The following SLC4A5 variants were observed in gnomAD, a reference collection of about 807,000 sequenced individuals.
SLC4A5 encodes the protein solute carrier family 4 member 5.
Under a neutral mutation model 120.4 loss-of-function variants are expected in SLC4A5, and 96 were observed. The observed-to-expected ratio is 0.80, with a 90% CI of 0.68 to 0.94. SLC4A5 has a LOEUF of 0.94. Ranked by LOEUF, SLC4A5 falls within the 40% of genes least tolerant of loss-of-function variation. The pLI is 0.00. For synonymous variants in SLC4A5, 550 were observed against 571.1 expected, an observed-to-expected ratio of 0.96 and a Z score of 0.53; for missense variants, 1,259 against 1,459.5, an observed-to-expected ratio of 0.86 and a Z score of 2.24.
chr2:74,233,708 A>T, intron 22 of SLC4A5, 145 bp from the exon 23 acceptor site: 1 of 916,068 alleles, frequency 1.1e-6, no homozygotes, highest in South Asian at 1.8e-5. Flanking sequence ...CACCTTAGGT[A>T]GCTGCAACTT....
In SLC4A5 at chr2:74,222,551, G is replaced by A. The variant is rs541695120; in HGVS notation, c.3331+317C>T. Among the ~76,000 whole-genome samples, 6 of 152,246 alleles carry A rather than the reference G, an allele frequency of 3.9e-5. 1 individual carries two copies. The East Asian group carries it at 9.6e-4, about 24-fold the overall frequency. On this transcript the variant is annotated intron_variant, in intron 29 of 30. Coordinates refer to ENST00000394019, the Ensembl canonical transcript of SLC4A5. ...GCATTAACCCCTGTGCTCCAGCTCCGGTGGGATCAGTGGCAGCAATAGATT... is the reference window on the plus strand; with the variant it reads ...GCATTAACCCCTGTGCTCCAGCTCCAGTGGGATCAGTGGCAGCAATAGATT...
At chr2:74,254,810 A>C in intron 13 of SLC4A5, 104 bp from the exon 14 acceptor site, 1 of 834,618 alleles carries the variant, frequency 1.2e-6, no homozygotes, top group Admixed American at 2.3e-5. Context: ...GGCCCTGAAC[A>C]GTATGCATTT....
At chr2:74,279,456 C>T (rs1232267743) in intron 8 of SLC4A5, among the ~76,000 whole-genome samples, 1 of 152,126 alleles carries the variant, frequency 6.6e-6, no homozygotes. Flanking sequence ...CAGTCTCTTT[C>T]GTGGGTTCCT....
At chr2:74,252,053 G>T in intron 16 of SLC4A5, 126 bp downstream of exon 16, 1 of 1,023,048 alleles carries the variant, frequency 9.8e-7, no homozygotes, top group Non-Finnish European at 1.4e-6. Context: ...GCTCTGGGAG[G>T]GAAAGAAGGC....
chr2:74,255,837 C>T lies in SLC4A5; in HGVS notation c.963G>A (p.Ala321=), dbSNP rs768314359. The T allele has an allele frequency of 8.1e-6, 13 of 1,614,174 alleles. No individual in the cohort carries two copies. Among genetic ancestry groups the T allele is most frequent in the Middle Eastern group, 1.6e-4 (1 of 6,062 alleles). ...TGGCCGACTGGATGAGGCGCACGAACGCGATGAATGGCTGGTCTAGGAAGT... is the reference window on the plus strand; with the variant it reads ...TGGCCGACTGGATGAGGCGCACGAATGCGATGAATGGCTGGTCTAGGAAGT... The change falls in exon 13 of 31, where the codon GCG becomes GCA. Residue 321 remains alanine, a synonymous_variant. Coordinates refer to ENST00000394019, the Ensembl canonical transcript of SLC4A5. This position sits in a 1 kb window ranked among gnomAD's most constrained non-coding sequence, Gnocchi z 4.0.
chr2:74,287,949 G>A (rs1315500574), intron 7 of SLC4A5, among the ~76,000 whole-genome samples: 1 of 152,002 alleles, frequency 6.6e-6, no homozygotes, highest in Non-Finnish European at 1.5e-5. Context: ...CTAAAGTAGT[G>A]GTCTGTGCTC....
chr2:74,305,678 C>CTCTTCA (rs111683406), intron 6 of SLC4A5, among the ~76,000 whole-genome samples: 4,724 of 150,786 alleles, frequency 0.031, 275 homozygotes, highest in African/African-American at 0.11. Flanking sequence ...TGTATTTCAC[C>CTCTTCA]TCTTCATCCC....
chr2:74,324,309 G>T (rs952802347), intron 5 of SLC4A5, among the ~76,000 whole-genome samples: 2 of 152,194 alleles, frequency 1.3e-5, no homozygotes, highest in African/African-American at 4.8e-5. Context: ...CGCCCAGGCT[G>T]GAGTTCAATG....
chr2:74,252,476 GACAAAAATGCAGAAA>G, intron 15 of SLC4A5, 88 bp from the exon 16 acceptor site: 1 of 1,490,206 alleles, frequency 6.7e-7, no homozygotes, highest in Admixed American at 2.0e-5. Flanking sequence ...TTAAAAGACA[GACAAAAATGCAGAAA>G]ATTGTCTAAC....
intron 29 of SLC4A5, among the ~76,000 whole-genome samples, chr2:74,222,379 T>G (rs1310582610): frequency 6.6e-6 from 1 of 152,174 alleles, no homozygotes. Context: ...GGGGTTTCCA[T>G]CTGGTTGGAG....
intron 15 of SLC4A5, among the ~76,000 whole-genome samples, chr2:74,252,700 C>G (rs953684040): frequency 2.0e-5 from 3 of 152,160 alleles, no homozygotes; most frequent in African/African-American, 7.2e-5. Context: ...AATCCTCCTG[C>G]CTCAGCCTCC....
intron 6 of SLC4A5, among the ~76,000 whole-genome samples, chr2:74,311,881 CA>C (rs1223978027): frequency 6.6e-6 from 1 of 152,132 alleles, no homozygotes; most frequent in Non-Finnish European, 1.5e-5. Context: ...CCGGATCTGT[CA>C]ATTACTGGTA....
At chr2:74,265,165 G>T in exon 9 of SLC4A5, 1 of 1,614,230 alleles carries the variant, frequency 6.2e-7, no homozygotes, top group Non-Finnish European at 8.5e-7. Flanking sequence ...TCTGCAGGCA[G>T]GTACGGAGCT....
intron 30 of SLC4A5, among the ~76,000 whole-genome samples, chr2:74,220,850 T>G (rs1259865925): frequency 1.4e-5 from 2 of 144,760 alleles, no homozygotes; most frequent in Non-Finnish European, 3.0e-5. Flanking sequence ...TCTTTTTTTT[T>G]TTTTTTTTGA....
At chr2:74,253,128 G>C (rs1043398379) in exon 15 of SLC4A5, 2 of 1,614,012 alleles carry the variant, frequency 1.2e-6, no homozygotes, top group Admixed American at 1.7e-5. Flanking sequence ...TCACTGAAGA[G>C]CTGGCGAGGA....
intron 6 of SLC4A5, among the ~76,000 whole-genome samples, chr2:74,313,683 T>C (rs1348840396): frequency 1.3e-5 from 2 of 152,198 alleles, no homozygotes; most frequent in African/African-American, 4.8e-5. Flanking sequence ...CCCCACATCA[T>C]GGTGGAACTT....
intron 6 of SLC4A5, chr2:74,306,781 T>C (rs1418858095): frequency 3.7e-6 from 3 of 816,138 alleles, no homozygotes; most frequent in African/African-American, 3.4e-5. Context: ...CCATCCACTA[T>C]CCAGTGGGTA....
Position 74,248,506 on chromosome 2 carries a change from G to C in SLC4A5, c.1654-20C>G. ...CACTCCCTGGGGGCACAAGGAATGTGTGGTTCAGCATAGGAAGGAGAAGCG... is the reference window on the plus strand; with the variant it reads ...CACTCCCTGGGGGCACAAGGAATGTCTGGTTCAGCATAGGAAGGAGAAGCG... On this transcript the variant is annotated intron_variant, in intron 17 of 30. Transcript: ENST00000394019. 6.2e-7 allele frequency: 1 copy of C among 1,613,572 alleles called. No individual in the cohort carries two copies. The highest frequency in any genetic ancestry group is 2.2e-5 in the East Asian group (1 of 44,870).
chr2:74,241,297 G>A (rs1558873176), intron 20 of SLC4A5, among the ~76,000 whole-genome samples: 3 of 142,930 alleles, frequency 2.1e-5, no homozygotes, highest in Non-Finnish European at 3.0e-5. Context: ...ACAGGGTCTC[G>A]CTCTGTCACC....
Sources: gnomAD v4.1 joint callset for allele counts (sites outside exome capture counted in the v4.1 genomes callset) on GRCh38, gnomAD v4.1.1 for gene constraint, Gnocchi (gnomAD v3.1) non-coding constraint, MANE v1.5 for transcripts, NCBI Gene and HGNC (gene_info 2026-07-23, HGNC 2026-07-21) for gene names.